Variants in SND1 observed in about 807,000 individuals in gnomAD.
SND1 encodes staphylococcal nuclease domain-containing protein 1.
SND1 carries 38 observed loss-of-function variants against 121.7 expected under a neutral mutation model. That is an observed-to-expected ratio of 0.31 (90% CI 0.24 to 0.41). SND1 has a LOEUF of 0.41. Ranked by LOEUF, SND1 falls within the 10% of genes least tolerant of loss-of-function variation. SND1 has a pLI of 1.00. For synonymous variants in SND1, 401 were observed against 447.4 expected (o/e 0.90, Z 1.31); for missense variants, 868 against 1,184.6 (o/e 0.73, Z 3.92).
At chr7:127,738,524 C>T (rs1562996172) in intron 10 of SND1, among the ~76,000 whole-genome samples, 1 of 152,030 alleles carries the variant, frequency 6.6e-6, no homozygotes, top group East Asian at 1.9e-4. Context: ...GGTGATCCAC[C>T]GGCCTCAGAC....
At chr7:127,893,937 TC>T (rs1003343960) in intron 13 of SND1, among the ~76,000 whole-genome samples, 16 of 151,978 alleles carry the variant, frequency 1.1e-4, no homozygotes, top group Admixed American at 8.5e-4. Flanking sequence ...ATCTCCAAAC[TC>T]CAAACCCCAT....
chr7:127,928,507 C>CTTTTTTTTTTTTT (rs745644708), intron 14 of SND1, among the ~76,000 whole-genome samples: 1 of 109,480 alleles, frequency 9.1e-6, no homozygotes, highest in Non-Finnish European at 1.9e-5. Context: ...CTAGGCGTCG[C>CTTTTTTTTTTTTT]TTTTTTTTTT....
chr7:127,736,083 C>G (rs577077454), intron 10 of SND1, among the ~76,000 whole-genome samples: 1 of 152,270 alleles, frequency 6.6e-6, no homozygotes, highest in African/African-American at 2.4e-5. Flanking sequence ...AGTTTCTGAG[C>G]CCTGAGAGTA....
At chr7:128,070,880 T>A (rs1793398526) in intron 16 of SND1, among the ~76,000 whole-genome samples, 1 of 152,232 alleles carries the variant, frequency 6.6e-6, no homozygotes. Context: ...TGCAGTCATT[T>A]GTGGACATGC....
At chr7:127,953,204 GTGTGTGTGTGTGTGTGTATGTA>G (rs1563068956) in intron 15 of SND1, among the ~76,000 whole-genome samples, 8 of 73,890 alleles carry the variant, frequency 1.1e-4, no homozygotes, top group Non-Finnish European at 1.3e-4. Context: ...GTGTGTGTGT[GTGTGTGTGTGTGTGTGTATGTA>G]TGAAAAGAAG....
At chr7:127,907,760 A>G (rs756253841) in intron 14 of SND1, among the ~76,000 whole-genome samples, 4 of 152,154 alleles carry the variant, frequency 2.6e-5, no homozygotes, top group Non-Finnish European at 5.9e-5. Context: ...AATAACCTGT[A>G]ATTTTGTTCT....
At chr7:127,863,660 C>T (rs1799418634) in intron 12 of SND1, among the ~76,000 whole-genome samples, 1 of 152,092 alleles carries the variant, frequency 6.6e-6, no homozygotes, top group Non-Finnish European at 1.5e-5. Flanking sequence ...TCATTACAAG[C>T]ACCATGGAAA....
chr7:127,784,711 C>G (rs978360562), intron 10 of SND1, among the ~76,000 whole-genome samples: 1 of 151,892 alleles, frequency 6.6e-6, no homozygotes, highest in Non-Finnish European at 1.5e-5. Flanking sequence ...CTCTTGTGTA[C>G]GTAGTGAAAG....
intron 10 of SND1, among the ~76,000 whole-genome samples, chr7:127,798,867 A>C (rs1443829368): frequency 6.6e-6 from 1 of 152,180 alleles, no homozygotes; most frequent in Non-Finnish European, 1.5e-5. Flanking sequence ...TAACATAACA[A>C]GACCCTGTCT....
intron 16 of SND1, chr7:128,030,667 C>G (rs1161149483): frequency 6.6e-7 from 1 of 1,524,744 alleles, no homozygotes; most frequent in East Asian, 2.3e-5. Flanking sequence ...AATTCACCAT[C>G]GCCTGGGATT....
rs1029086159 is a variant in SND1, at chr7:128,015,235, G to A, written c.1779+24179G>A. ...GAAGGGGCTGGGTCAGGCCTTGCCCGCAGGTCAACGTGGGGCTAAAATGAA... is the reference window on the plus strand; with the variant it reads ...GAAGGGGCTGGGTCAGGCCTTGCCCACAGGTCAACGTGGGGCTAAAATGAA... On this transcript the variant is annotated intron_variant, in intron 16 of 23. Coordinates refer to ENST00000354725, the MANE Select transcript of SND1 (RefSeq NM_014390.4). The surrounding 1 kb of genome is among the most constrained non-coding windows in gnomAD (Gnocchi z 4.5). Among the ~76,000 whole-genome samples the A allele has an allele frequency of 2.0e-5, 3 of 152,308 alleles. No homozygotes were observed. The highest frequency in any genetic ancestry group is 3.9e-4 in the East Asian group (2 of 5,190).
chr7:128,073,751 C>G (rs531821599), intron 16 of SND1, among the ~76,000 whole-genome samples: 17 of 152,298 alleles, frequency 1.1e-4, no homozygotes, highest in African/African-American at 4.1e-4. Context: ...GATGTGGGAG[C>G]AGATCAGCTA....
chr7:127,662,463 C>G (rs1328336890), intron 1 of SND1, among the ~76,000 whole-genome samples: 2 of 152,110 alleles, frequency 1.3e-5, no homozygotes, highest in East Asian at 3.8e-4. Context: ...ACTGATTGAA[C>G]TGTATATCTT....
rs1480246605 is a variant in SND1, at chr7:127,926,554, T to C, written c.1528-2634T>C. Among the ~76,000 whole-genome samples the C allele has an allele frequency of 5.2e-5, 7 of 135,912 alleles. No homozygotes were observed. The South Asian group carries it at 9.9e-4, about 19-fold the overall frequency. The allele number at this position is 135,912 out of a possible 152,430, so 89.2% of individuals were successfully genotyped here. ...ATGCCTTTGATTTTCTTTTTCTTTTTTTTTTTTTTTTTTTTTTTGTCGGAG... is the reference window on the plus strand; with the variant it reads ...ATGCCTTTGATTTTCTTTTTCTTTTCTTTTTTTTTTTTTTTTTTGTCGGAG... On this transcript the variant is annotated intron_variant, in intron 14 of 23. Coordinates refer to ENST00000354725, the MANE Select transcript of SND1 (RefSeq NM_014390.4).
intron 16 of SND1, among the ~76,000 whole-genome samples, chr7:128,022,637 C>T (rs542657506): frequency 1.1e-3 from 170 of 152,330 alleles, no homozygotes; most frequent in African/African-American, 3.8e-3. Context: ...AACACTCTTC[C>T]TCTGGAATAA....
chr7:128,014,968 C>A (rs1437868513), intron 16 of SND1, among the ~76,000 whole-genome samples: 1 of 152,238 alleles, frequency 6.6e-6, no homozygotes, highest in Non-Finnish European at 1.5e-5. Context: ...CCCTCTATAT[C>A]TTGTCAGATA....
At chr7:127,813,660 C>A (rs2116588671) in intron 11 of SND1, among the ~76,000 whole-genome samples, 1 of 152,266 alleles carries the variant, frequency 6.6e-6, no homozygotes, top group Non-Finnish European at 1.5e-5. Context: ...CTCCCAGGTT[C>A]AAGTGATTCT....
intron 2 of SND1, among the ~76,000 whole-genome samples, chr7:127,692,286 G>A (rs867702264): frequency 3.9e-5 from 6 of 152,158 alleles, no homozygotes; most frequent in Non-Finnish European, 7.4e-5. Context: ...TGAGCAGGCC[G>A]CCAGATTGCC....
chr7:128,008,759 C>T (rs1467749012), intron 16 of SND1, among the ~76,000 whole-genome samples: 1 of 152,200 alleles, frequency 6.6e-6, no homozygotes, highest in African/African-American at 2.4e-5. Flanking sequence ...GTAGCAGAGG[C>T]AGGTTACCCT....
Sources: gnomAD v4.1 joint callset for allele counts (sites outside exome capture counted in the v4.1 genomes callset) on GRCh38, gnomAD v4.1.1 for gene constraint, Gnocchi (gnomAD v3.1) non-coding constraint, MANE v1.5 for transcripts, NCBI Gene and HGNC (gene_info 2026-07-23, HGNC 2026-07-21) for gene names.